The following STXBP5L variants were observed in gnomAD, a reference collection of about 807,000 sequenced individuals.
STXBP5L encodes the protein syntaxin-binding protein 5-like.
Under a neutral mutation model 144.5 loss-of-function variants are expected in STXBP5L, and 65 were observed. The observed-to-expected ratio is 0.45, with a 90% confidence interval of 0.37 to 0.55. The LOEUF (loss-of-function observed/expected upper bound fraction) is 0.55. Among genes scored for constraint, STXBP5L ranks in the 20% least tolerant of loss-of-function variants. The pLI, the probability that STXBP5L is intolerant of heterozygous loss-of-function variation, is 0.00. For synonymous variants in STXBP5L, 505 were observed against 469.6 expected, an observed-to-expected ratio of 1.08 and a Z score of -0.97; for missense variants, 1,298 against 1,405.5, an observed-to-expected ratio of 0.92 and a Z score of 1.22.
intron 5 of STXBP5L, among the ~76,000 whole-genome samples, chr3:121,098,936 C>T (rs1044335235): frequency 1.3e-5 from 2 of 152,074 alleles, no homozygotes; most frequent in African/African-American, 4.8e-5. Flanking sequence ...CCCCAGCATC[C>T]TCCCACCTCA....
chr3:121,036,535 TG>T (rs1420229254), intron 3 of STXBP5L, among the ~76,000 whole-genome samples: 2 of 152,252 alleles, frequency 1.3e-5, no homozygotes, highest in African/African-American at 4.8e-5. Context: ...ATAGAAATAA[TG>T]ATAGATGATT....
At chr3:120,910,164 T>C (rs555872006) in intron 2 of STXBP5L, among the ~76,000 whole-genome samples, 9 of 152,186 alleles carry the variant, frequency 5.9e-5, no homozygotes, top group Non-Finnish European at 1.2e-4. Context: ...TAGGATTAAG[T>C]AGATAATAGG....
intron 17 of STXBP5L, among the ~76,000 whole-genome samples, chr3:121,257,626 A>C (rs1221124579): frequency 2.6e-5 from 4 of 152,220 alleles, no homozygotes; most frequent in Non-Finnish European, 5.9e-5. Context: ...TGATATTTCC[A>C]ATTGAAAAAG....
chr3:121,347,028 A>C (rs957152427), intron 20 of STXBP5L, among the ~76,000 whole-genome samples: 2 of 152,200 alleles, frequency 1.3e-5, no homozygotes, highest in South Asian at 2.1e-4. Context: ...GTCCTTGCCC[A>C]TGCCTATGTC....
chr3:121,160,443 A>G (rs780182293), intron 9 of STXBP5L, among the ~76,000 whole-genome samples: 22 of 152,220 alleles, frequency 1.4e-4, no homozygotes, highest in Non-Finnish European at 2.9e-4. Context: ...ATAAAAAGAA[A>G]CAATACAGTA....
At chr3:121,297,353 T>A (rs2051697845) in intron 19 of STXBP5L, among the ~76,000 whole-genome samples, 1 of 152,028 alleles carries the variant, frequency 6.6e-6, no homozygotes, top group Non-Finnish European at 1.5e-5. Flanking sequence ...AAGCAGAAAA[T>A]TGTGACTCAT....
chr3:121,135,586 T>A (rs2045214170), intron 7 of STXBP5L, among the ~76,000 whole-genome samples: 1 of 152,232 alleles, frequency 6.6e-6, no homozygotes, highest in Non-Finnish European at 1.5e-5. Flanking sequence ...CTTGCATGTG[T>A]ACTTTACAGT....
intron 3 of STXBP5L, among the ~76,000 whole-genome samples, chr3:120,994,146 T>C (rs1049490309): frequency 1.3e-5 from 2 of 152,144 alleles, no homozygotes; most frequent in Admixed American, 1.3e-4. Flanking sequence ...TTTTTTTTTG[T>C]CCTGCAACTT....
At position 121,253,170 on chromosome 3, in the gene STXBP5L, G is replaced by C. The variant is rs569153888; in HGVS notation, c.1442-1725G>C. On this transcript the variant is annotated intron_variant, in intron 15 of 26. Coordinates refer to ENST00000471454, the MANE Select transcript of STXBP5L (RefSeq NM_001308330.2). ...TACCCTATCTGACCTCAGAAGCCAG[G>C]CTATAGCACGCAATACAATCCTTTG... is the stretch of plus-strand genomic sequence containing the variant. 4.0e-5 allele frequency among the ~76,000 whole-genome samples: 6 copies of C among 151,574 alleles called. No homozygotes were observed. In the East Asian group the frequency reaches 1.2e-3, roughly 29 times the overall value.
intron 10 of STXBP5L, among the ~76,000 whole-genome samples, 191 bp downstream of exon 10, chr3:121,206,192 G>A (rs1483511123): frequency 6.6e-6 from 1 of 152,064 alleles, no homozygotes; most frequent in African/African-American, 2.4e-5. Flanking sequence ...TAAATTACAA[G>A]TGTTAATTAT....
intron 15 of STXBP5L, among the ~76,000 whole-genome samples, chr3:121,252,124 C>T (rs1021686798): frequency 6.6e-6 from 1 of 152,102 alleles, no homozygotes; most frequent in African/African-American, 2.4e-5. Context: ...CTTTGGGAGG[C>T]CTAAGCAGGC....
At chr3:121,045,297 A>T in intron 4 of STXBP5L, 138 bp from the exon 5 acceptor site, 4 of 731,338 alleles carry the variant, frequency 5.5e-6, no homozygotes, top group Non-Finnish European at 8.6e-6. Flanking sequence ...AAGTTTATGC[A>T]CCTATCCTTC....
At chr3:121,319,812 T>A (rs1451911936) in intron 20 of STXBP5L, among the ~76,000 whole-genome samples, 1 of 152,208 alleles carries the variant, frequency 6.6e-6, no homozygotes, top group African/African-American at 2.4e-5. Context: ...TTTACATACG[T>A]AACTTCAAAT....
chr3:121,127,379 A>G (rs904539920), intron 7 of STXBP5L, among the ~76,000 whole-genome samples: 1 of 152,094 alleles, frequency 6.6e-6, no homozygotes, highest in African/African-American at 2.4e-5. Context: ...TCTAACAACC[A>G]GAAGTCTAAA....
chr3:121,132,857 G>C (rs1389013719), intron 7 of STXBP5L, among the ~76,000 whole-genome samples: 1 of 151,978 alleles, frequency 6.6e-6, no homozygotes, highest in Non-Finnish European at 1.5e-5. Flanking sequence ...AAAATCACTA[G>C]AGGGGTCAAT....
intron 19 of STXBP5L, among the ~76,000 whole-genome samples, chr3:121,315,919 T>C (rs75985576): frequency 0.026 from 4,004 of 151,496 alleles, 194 homozygotes; most frequent in African/African-American, 0.092. Context: ...GGAGAACTGA[T>C]TGAGACCCAG....
chr3:121,160,314 T>A (rs2046275194), intron 9 of STXBP5L, among the ~76,000 whole-genome samples: 1 of 152,118 alleles, frequency 6.6e-6, no homozygotes, highest in African/African-American at 2.4e-5. Flanking sequence ...ACATATCCTA[T>A]AAAGAGCATA....
intron 5 of STXBP5L, among the ~76,000 whole-genome samples, chr3:121,055,653 G>A (rs906501012): frequency 6.6e-6 from 1 of 151,282 alleles, no homozygotes. Flanking sequence ...GGGACTATGG[G>A]CATGTGCTAC....
At chr3:121,391,527 T>G (rs1216129150) in intron 22 of STXBP5L, among the ~76,000 whole-genome samples, 1 of 152,224 alleles carries the variant, frequency 6.6e-6, no homozygotes, top group East Asian at 1.9e-4. Flanking sequence ...TGTGGTTTTA[T>G]CTACCTTTGG....
Sources: gnomAD v4.1 joint callset for allele counts (sites outside exome capture counted in the v4.1 genomes callset) on GRCh38, gnomAD v4.1.1 for gene constraint, MANE v1.5 for transcripts, NCBI Gene and HGNC (gene_info 2026-07-23, HGNC 2026-07-21) for gene names.